The following OR51E1 variants were observed in gnomAD, a reference collection of about 807,000 sequenced individuals.
The protein encoded by OR51E1 is olfactory receptor family 51 subfamily E member 1.
OR51E1 carries 9 observed loss-of-function variants against 11.5 expected under a neutral mutation model. The ratio of observed to expected loss-of-function variants is 0.78; its 90% CI spans 0.47 to 1.37. The LOEUF is 1.37. Ranked by LOEUF, OR51E1 falls within the 40% of genes most tolerant of loss-of-function variation. OR51E1 has a pLI of 0.00. For missense variants in OR51E1, 397 were observed against 410.2 expected, an observed-to-expected ratio of 0.97 and a Z score of 0.28; for synonymous variants, 168 against 158.3, an observed-to-expected ratio of 1.06 and a Z score of -0.46.
intron 1 of OR51E1, among the ~76,000 whole-genome samples, chr11:4,650,853 A>G (rs538085711): frequency 6.6e-6 from 1 of 152,222 alleles, no homozygotes; most frequent in South Asian, 2.1e-4. Context: ...CACCAACATG[A>G]TGCTCAAAGA....
intron 1 of OR51E1, among the ~76,000 whole-genome samples, chr11:4,651,777 G>C (rs12283337): frequency 0.42 from 63,331 of 152,040 alleles, 14,569 homozygotes; most frequent in Non-Finnish European, 0.53. Flanking sequence ...GTAAAGCTTT[G>C]GGTGGTCATT....
Position 4,652,640 on chromosome 11 carries a change from C to A in OR51E1, c.114C>A (p.Tyr38Ter). Residue 38 changes from tyrosine (Y) to a stop codon, truncating the protein, a stop_gained, in exon 2 of 2, where the codon TAC becomes TAA. Coordinates refer to ENST00000396952, the MANE Select transcript of OR51E1 (RefSeq NM_152430.4). LOFTEE classifies it high-confidence loss of function. ...TGGCCTTCCCATTGTGCTCCCTCTA[C>A]CTTATTGCTGTGCTAGGTAACTTGA... ...FWLAFPLCSL[Y>*]LIAVLGNLTI... The A allele has an allele frequency of 6.2e-7, 1 of 1,614,138 alleles. No individual in the cohort carries two copies. The highest frequency in any genetic ancestry group is 8.5e-7 in the Non-Finnish European group (1 of 1,180,006).
chr11:4,648,158 G>A (rs983028127), intron 1 of OR51E1, among the ~76,000 whole-genome samples: 3 of 152,174 alleles, frequency 2.0e-5, no homozygotes, highest in African/African-American at 4.8e-5. Flanking sequence ...TAGCCCCAGC[G>A]ATAGCTGCCC....
At chr11:4,651,859 A>G (rs1375628655) in intron 1 of OR51E1, among the ~76,000 whole-genome samples, 1 of 152,236 alleles carries the variant, frequency 6.6e-6, no homozygotes, top group Non-Finnish European at 1.5e-5. Context: ...ATTACGGTTT[A>G]TCATAATAAA....
At chr11:4,645,081 G>A (rs1405264419) in intron 1 of OR51E1, among the ~76,000 whole-genome samples, 1 of 151,840 alleles carries the variant, frequency 6.6e-6, no homozygotes, top group East Asian at 1.9e-4. Flanking sequence ...CCTGTCTCCA[G>A]TATGAGTGTC....
In OR51E1 at chr11:4,648,392, G is replaced by C. The variant is rs565760127; in HGVS notation, c.-39-4096G>C. ...TTCATACATTTTCAGAGACCTTGTT[G>C]CCCATTTTTGTGGAAAACAATGCAC... On this transcript the variant is annotated intron_variant, in intron 1 of 1. Coordinates refer to ENST00000396952, the MANE Select transcript of OR51E1 (RefSeq NM_152430.4). 3.9e-5 allele frequency among the ~76,000 whole-genome samples: 6 copies of C among 152,274 alleles called. No homozygotes were observed. The South Asian group carries it at 8.3e-4, about 21-fold the overall frequency.
chr11:4,655,082 C>T lies in OR51E1; in HGVS notation c.*1599C>T, dbSNP rs1280550014. On this transcript the variant is annotated 3_prime_UTR_variant, in exon 2 of 2. Transcript: ENST00000396952. ...TCATCATTGACTGCTCTTTGCTCAT[C>T]ATTGAATCCCCCAGCAAAGTGCCTA... is the stretch of plus-strand genomic sequence containing the variant. 1 of 167,062 alleles carries T rather than the reference C, an allele frequency of 6.0e-6. No homozygotes were observed. Among genetic ancestry groups the T allele is most frequent in the African/African-American group, 2.4e-5 (1 of 41,444 alleles). The allele number at this position is 167,062 out of a possible 1,614,324, so 10.3% of individuals were successfully genotyped here.
At chr11:4,651,935 G>A (rs1847103638) in intron 1 of OR51E1, among the ~76,000 whole-genome samples, 1 of 152,104 alleles carries the variant, frequency 6.6e-6, no homozygotes, top group Non-Finnish European at 1.5e-5. Context: ...GTTATTAAAA[G>A]GTCAAATATT....
At position 4,653,346 on chromosome 11, in the gene OR51E1, C is replaced by T. The variant is rs1387631766; in HGVS notation, c.820C>T (p.Leu274=). The part of the protein sequence containing the change: ...HRFSKRRDSP[L]PVILANIYLL... ...CTTTAGCAAGCGGCGTGACTCTCCG[C>T]TGCCCGTCATCTTGGCCAATATCTA... Residue 274 remains leucine, a synonymous_variant, in exon 2 of 2, where the codon CTG becomes TTG. Transcript: ENST00000396952. 4 of 1,613,866 alleles carry T rather than the reference C, an allele frequency of 2.5e-6. No homozygotes were observed. The highest frequency in any genetic ancestry group is 3.4e-6 in the Non-Finnish European group (4 of 1,179,844).
At position 4,653,093 on chromosome 11, in the gene OR51E1, G is replaced by C; in HGVS notation, c.567G>C (p.Lys189Asn). The change falls in exon 2 of 2, where the codon AAG (lysine) becomes AAC (asparagine). Residue 189 changes from lysine (K) to asparagine (N), a missense_variant. Coordinates refer to ENST00000396952, the MANE Select transcript of OR51E1 (RefSeq NM_152430.4). ...ACTGCCTACACCAAGATGTCATGAA[G>C]CTGGCCTGTGATGATATCCGGGTCA... ...HSYCLHQDVM[K>N]LACDDIRVNV... is the part of the protein sequence containing the mutation. The C allele has an allele frequency of 6.2e-6, 10 of 1,613,972 alleles. No homozygotes were observed. Among genetic ancestry groups the C allele is most frequent in the Non-Finnish European group, 8.5e-6 (10 of 1,179,894 alleles).
chr11:4,646,527 A>G (rs1455107253), intron 1 of OR51E1, among the ~76,000 whole-genome samples: 1 of 152,182 alleles, frequency 6.6e-6, no homozygotes, highest in Non-Finnish European at 1.5e-5. Flanking sequence ...TTATCTGTCA[A>G]ATGGGATTAA....
chr11:4,646,761 T>C (rs1054153457), intron 1 of OR51E1, among the ~76,000 whole-genome samples: 1 of 152,188 alleles, frequency 6.6e-6, no homozygotes, highest in Non-Finnish European at 1.5e-5. Context: ...GCTGTGCTAC[T>C]TACCAAGCCC....
At chr11:4,645,530 C>T (rs1847020986) in intron 1 of OR51E1, among the ~76,000 whole-genome samples, 1 of 152,152 alleles carries the variant, frequency 6.6e-6, no homozygotes, top group African/African-American at 2.4e-5. Flanking sequence ...AAGGCTGGAA[C>T]GATATCTCTG....
At position 4,653,104 on chromosome 11, in the gene OR51E1, A is replaced by T. The variant is rs775313508; in HGVS notation, c.578A>T (p.Asp193Val). The T allele has an allele frequency of 8.1e-6, 13 of 1,613,822 alleles. No individual in the cohort carries two copies. The East Asian group carries it at 1.6e-4, about 19-fold the overall frequency. The change falls in exon 2 of 2, where the codon GAT becomes GTT. Residue 193 changes from aspartate (D) to valine (V), a missense_variant. Asp to Val is a radical substitution (Grantham distance 152, BLOSUM62 -3). Coordinates refer to ENST00000396952, the MANE Select transcript of OR51E1 (RefSeq NM_152430.4). ...CAAGATGTCATGAAGCTGGCCTGTG[A>T]TGATATCCGGGTCAATGTCGTCTAT... is the stretch of plus-strand genomic sequence containing the variant. ...LHQDVMKLAC[D>V]DIRVNVVYGL...
In OR51E1 at chr11:4,654,767, T is replaced by C. The variant is rs1030165148; in HGVS notation, c.*1284T>C. On this transcript the variant is annotated 3_prime_UTR_variant, in exon 2 of 2. Transcript: ENST00000396952. ...GACTTAGGCATGGGAATCAGGCATT[T>C]TTGCTTCTGAGGGGCTATTACCAAG... 1.8e-5 allele frequency: 3 copies of C among 167,122 alleles called. No individual in the cohort carries two copies. The Admixed American group carries it at 2.0e-4, about 11-fold the overall frequency. 10.4% of individuals were successfully genotyped at this position (167,122 alleles called of 1,614,324 possible).
At chr11:4,647,748 A>G (rs571596459) in intron 1 of OR51E1, among the ~76,000 whole-genome samples, 2 of 152,284 alleles carry the variant, frequency 1.3e-5, no homozygotes, top group Non-Finnish European at 2.9e-5. Context: ...TCCTGAAGAA[A>G]CATTCCTGGA....
In OR51E1 at chr11:4,652,861, G is replaced by T. The variant is rs774517539; in HGVS notation, c.335G>T (p.Gly112Val). 6.2e-6 allele frequency: 10 copies of T among 1,613,962 alleles called. No homozygotes were observed. The highest frequency in any genetic ancestry group is 8.5e-6 in the Non-Finnish European group (10 of 1,179,954). The change falls in exon 2 of 2, where the codon GGC becomes GTC. Residue 112 changes from glycine to valine, a missense_variant. Coordinates refer to ENST00000396952, the MANE Select transcript of OR51E1 (RefSeq NM_152430.4). Reference protein sequence around the residue: ...LQMFAIHSLSGMESTVLLAMA... With the variant: ...LQMFAIHSLSVMESTVLLAMA... ...ATGTTTGCCATCCACTCCTTATCTGGCATGGAATCCACAGTGCTGCTGGCC... is the reference window on the plus strand; with the variant it reads ...ATGTTTGCCATCCACTCCTTATCTGTCATGGAATCCACAGTGCTGCTGGCC...
intron 1 of OR51E1, among the ~76,000 whole-genome samples, chr11:4,649,808 T>G (rs555151455): frequency 6.6e-6 from 1 of 152,316 alleles, no homozygotes; most frequent in East Asian, 1.9e-4. Flanking sequence ...ATACTTACTA[T>G]GTGTGAGGTA....
Position 4,654,182 on chromosome 11 carries a change from G to A in OR51E1, c.*699G>A, listed in dbSNP as rs976404415. 1 of 166,790 alleles carries A rather than the reference G, an allele frequency of 6.0e-6. No individual in the cohort carries two copies. The highest frequency in any genetic ancestry group is 6.6e-5 in the Admixed American group (1 of 15,260). 10.3% of individuals were successfully genotyped at this position (166,790 alleles called of 1,614,324 possible). The stretch of plus-strand genomic sequence containing the variant: ...CATGGGAAAATTGATGTTCAGTGGG[G>A]ATCAGTGAATTAAATGGGGTCATAC... On this transcript the variant is annotated 3_prime_UTR_variant, in exon 2 of 2. Transcript: ENST00000396952.
Sources: allele counts gnomAD v4.1 joint callset (sites outside exome capture counted in the v4.1 genomes callset), GRCh38; gene constraint gnomAD v4.1.1; transcripts MANE v1.5; gene names NCBI Gene and HGNC (gene_info 2026-07-23, HGNC 2026-07-21).